The following RNF207 variants were observed in gnomAD, a reference collection of about 807,000 sequenced individuals.
RNF207 encodes ring finger protein 207.
RNF207 carries 72 observed loss-of-function variants against 79.0 expected under a neutral mutation model. The ratio of observed to expected loss-of-function variants is 0.91; its 90% confidence interval spans 0.75 to 1.11. The LOEUF (loss-of-function observed/expected upper bound fraction) is 1.11. RNF207 is among the 50% of genes least tolerant of loss of function. RNF207 has a pLI of 0.00. For missense variants in RNF207, 936 were observed against 855.8 expected, an observed-to-expected ratio of 1.09 and a Z score of -1.17; for synonymous variants, 348 against 366.2, an observed-to-expected ratio of 0.95 and a Z score of 0.57.
In RNF207 at chr1:6,209,912, CATCT is replaced by C. The variant is rs1668087655; in HGVS notation, c.754-11_754-8del. 6.3e-7 allele frequency: 1 copy of C among 1,575,606 alleles called. No homozygotes were observed. ...GGGCGCAAATCAAGAGCATGCTCGC[CATCT>C]CTCCCAGGACAGGCTGGCAGAGAGG... On this transcript the variant is annotated splice_region_variant and splice_polypyrimidine_tract_variant and intron_variant, in intron 7 of 17. Transcript: ENST00000377939.
At chr1:6,219,162 C>G in intron 17 of RNF207, 74 bp from the exon 18 acceptor site, 1 of 1,405,996 alleles carries the variant, frequency 7.1e-7, no homozygotes, top group Non-Finnish European at 9.7e-7. Context: ...AGTGCTTTGG[C>G]CCAAGTGGAT....
At position 6,209,547 on chromosome 1, in the gene RNF207, GTGGGGGT is replaced by G; in HGVS notation, c.753+15_753+21del. The stretch of plus-strand genomic sequence containing the variant: ...CTCTTCGGCAGCATGCAGGTGAGGG[GTGGGGGT>G]TGGGGGATAAACGACCCAGCCGGGA... On this transcript the variant is annotated intron_variant, in intron 7 of 17. Coordinates refer to ENST00000377939, the MANE Select transcript of RNF207 (RefSeq NM_207396.3). The G allele has an allele frequency of 6.9e-7, 1 of 1,453,274 alleles. No individual in the cohort carries two copies. Among genetic ancestry groups the G allele is most frequent in the Non-Finnish European group, 9.0e-7 (1 of 1,112,024 alleles). 90.0% of individuals were successfully genotyped at this position (1,453,274 alleles called of 1,614,324 possible).
chr1:6,210,619 G>T (rs1668123086), intron 10 of RNF207, 181 bp downstream of exon 10: 2 of 630,196 alleles, frequency 3.2e-6, no homozygotes, highest in Non-Finnish European at 5.6e-6. Flanking sequence ...CAAGGACAGT[G>T]AAGCCAGGAA....
Position 6,207,894 on chromosome 1 carries a change from G to A in RNF207, c.324+383G>A, listed in dbSNP as rs1177493081. 4 of 395,762 alleles carry A rather than the reference G, an allele frequency of 1.0e-5. No individual in the cohort carries two copies. The highest frequency in any genetic ancestry group is 6.2e-5 in the African/African-American group (3 of 48,286). 24.5% of individuals were successfully genotyped at this position (395,762 alleles called of 1,614,324 possible). On this transcript the variant is annotated intron_variant, in intron 3 of 17. Transcript: ENST00000377939. This position sits in a 1 kb window ranked among gnomAD's most constrained non-coding sequence, Gnocchi z 4.5. ...GCAGCTACAGCCCAGGGGAGGTGGG[G>A]ACAGCATGCTGTTCCCTCTGGGCTG...
intron 16 of RNF207, 95 bp from the exon 17 acceptor site, chr1:6,218,194 G>A (rs1390078946): frequency 3.8e-6 from 3 of 797,360 alleles, no homozygotes; most frequent in Non-Finnish European, 6.5e-6. Flanking sequence ...GGGTGCATGA[G>A]TGGTGGCAGA....
chr1:6,210,949 G>A lies in RNF207; in HGVS notation c.1011+11G>A. On this transcript the variant is annotated intron_variant, in intron 11 of 17. Coordinates refer to ENST00000377939, the MANE Select transcript of RNF207 (RefSeq NM_207396.3). ...ATTCAGAGCAGCAAGGTGTGCAGTG[G>A]CCTGGGTGGGCCAGGGTCGGGGGCC... The A allele has an allele frequency of 6.2e-7, 1 of 1,602,314 alleles. No homozygotes were observed. Among genetic ancestry groups the A allele is most frequent in the Non-Finnish European group, 8.5e-7 (1 of 1,175,046 alleles).
Position 6,220,734 on chromosome 1 carries a change from C to G in RNF207, c.*1327C>G, listed in dbSNP as rs1557597653. 1 of 152,198 alleles carries G rather than the reference C, an allele frequency of 6.6e-6. No homozygotes were observed. Among genetic ancestry groups the G allele is most frequent in the Non-Finnish European group, 1.5e-5 (1 of 68,028 alleles). 9.4% of individuals were successfully genotyped at this position (152,198 alleles called of 1,614,324 possible). ...CTTTTTTCTAGTAGTTTTTTCCCAG[C>G]AGTTTTCCATTTCTCCACAGTATCC... On this transcript the variant is annotated 3_prime_UTR_variant, in exon 18 of 18. Transcript: ENST00000377939.
At chr1:6,213,281 G>A in intron 16 of RNF207, 98 bp downstream of exon 16, 1 of 725,770 alleles carries the variant, frequency 1.4e-6, no homozygotes, top group Admixed American at 2.5e-5. Flanking sequence ...AACACTTCGG[G>A]AGGCTGAGGT....
At position 6,220,219 on chromosome 1, in the gene RNF207, T is replaced by A. The variant is rs977507290; in HGVS notation, c.*812T>A. ...TTCCCCGTGTTTGCATGGCATGAAG[T>A]CTTCGTCCTTGTCACAGTAGCTTGG... On this transcript the variant is annotated 3_prime_UTR_variant, in exon 18 of 18. Coordinates refer to ENST00000377939, the MANE Select transcript of RNF207 (RefSeq NM_207396.3). 6.6e-6 allele frequency: 1 copy of A among 152,230 alleles called. No individual in the cohort carries two copies. Among genetic ancestry groups the A allele is most frequent in the African/African-American group, 2.4e-5 (1 of 41,452 alleles). 9.4% of individuals were successfully genotyped at this position (152,230 alleles called of 1,614,324 possible).
At position 6,212,285 on chromosome 1, in the gene RNF207, G is replaced by A. The variant is rs757243611; in HGVS notation, c.1351G>A (p.Asp451Asn). 1.9e-6 allele frequency: 3 copies of A among 1,612,868 alleles called. No individual in the cohort carries two copies. The highest frequency in any genetic ancestry group is 3.3e-5 in the Admixed American group (2 of 59,922). Residue 451 changes from aspartate (D) to asparagine (N), a missense_variant, in exon 14 of 18, where the codon GAC (aspartate) becomes AAC (asparagine). By Grantham distance (23) the Asp-to-Asn change is conservative. Transcript: ENST00000377939. ...LKDQVQELHR[D>N]LTKHHSLIKA... ...GGACCAGGTACAGGAGCTGCACCGA[G>A]ACCTCACCAAGCACCACTCGCTCAT...
intron 3 of RNF207, chr1:6,208,160 G>A (rs1229459324): frequency 3.3e-5 from 6 of 183,762 alleles, no homozygotes; most frequent in Non-Finnish European, 7.0e-5. Context: ...CCTGGGTCTG[G>A]CTTGGGGAGG....
chr1:6,210,561 G>T, intron 10 of RNF207, 123 bp downstream of exon 10: 1 of 727,416 alleles, frequency 1.4e-6, no homozygotes, highest in Non-Finnish European at 2.3e-6. Flanking sequence ...TCTCGGGGCT[G>T]ACCCCCTCCC....
At chr1:6,212,845 C>A in intron 15 of RNF207, 112 bp downstream of exon 15, 1 of 950,472 alleles carries the variant, frequency 1.1e-6, no homozygotes, top group Non-Finnish European at 1.7e-6. Flanking sequence ...CCACACTCTT[C>A]CCCTTAGCGC....
rs774765330 is a variant in RNF207, at chr1:6,218,315, CAGAG to C, written c.1682_1685del (p.Glu561ValfsTer49). 3 of 1,614,074 alleles carry C rather than the reference CAGAG, an allele frequency of 1.9e-6. No individual in the cohort carries two copies. The highest frequency in any genetic ancestry group is 1.3e-5 in the African/African-American group (1 of 75,058). On this transcript the variant is annotated frameshift_variant, in exon 17 of 18. Coordinates refer to ENST00000377939, the MANE Select transcript of RNF207 (RefSeq NM_207396.3). LOFTEE classifies it high-confidence loss of function. ...TTTCAGGCACCCGTGGATGAGCAGT[CAGAG>C]AGTCTACAGAACACGCACGACGACA...
rs1186965852 is a variant in RNF207 at position 6,207,120 on chromosome 1, GAGA to G, written c.192-255_192-253del. Among the ~76,000 whole-genome samples, 2 of 152,192 alleles carry G rather than the reference GAGA, an allele frequency of 1.3e-5. No homozygotes were observed. Among genetic ancestry groups the G allele is most frequent in the Non-Finnish European group, 1.5e-5 (1 of 68,036 alleles). ...GTGGCTCTGATTTGCCCAATGCCGT[GAGA>G]AGATGTCGAGGAGCAGCTTCTGCTT... is the stretch of plus-strand genomic sequence containing the variant. On this transcript the variant is annotated intron_variant, in intron 2 of 17. Transcript: ENST00000377939. This position sits in a 1 kb window ranked among gnomAD's most constrained non-coding sequence, Gnocchi z 4.5.
In RNF207 at chr1:6,209,015, C is replaced by T. The variant is rs1020564573; in HGVS notation, c.459C>T (p.Pro153=). 1 of 1,541,366 alleles carries T rather than the reference C, an allele frequency of 6.5e-7. No individual in the cohort carries two copies. Among genetic ancestry groups the T allele is most frequent in the South Asian group, 1.2e-5 (1 of 83,958 alleles). ...VALGQRSRDV[P]QKCTLHAEPY... ...TGGGTCAGCGAAGCCGCGACGTGCC[C>T]CAGAAGTGCAGTGAGTGAGGCTTGC... Residue 153 remains proline, a synonymous_variant, in exon 4 of 18, where the codon CCC becomes CCT. Coordinates refer to ENST00000377939, the MANE Select transcript of RNF207 (RefSeq NM_207396.3).
chr1:6,215,456 C>T lies in RNF207; in HGVS notation c.1652+2273C>T, dbSNP rs913496481. 3.9e-5 allele frequency among the ~76,000 whole-genome samples: 6 copies of T among 152,020 alleles called. No homozygotes were observed. In the South Asian group the frequency reaches 6.2e-4, roughly 16 times the overall value. ...TGCTGGGATTACAGGTGTTAGCCAC[C>T]GTGCCAAGCCTCTTTATCTTCCATT... On this transcript the variant is annotated intron_variant, in intron 16 of 17. Transcript: ENST00000377939.
intron 16 of RNF207, among the ~76,000 whole-genome samples, chr1:6,216,107 T>G (rs12071731): frequency 0.18 from 27,571 of 152,152 alleles, 4,887 homozygotes; most frequent in African/African-American, 0.46. Context: ...TTTCAGTACA[T>G]TTCTTGTCTG....
Position 6,210,456 on chromosome 1 carries a change from C to T in RNF207, c.942+18C>T. ...TGGGCTATGTGAGTCTCCTCTGCTC[C>T]TGCAGATGCCCCCTCCCCACCAGGA... is the stretch of plus-strand genomic sequence containing the variant. On this transcript the variant is annotated intron_variant, in intron 10 of 17. Coordinates refer to ENST00000377939, the MANE Select transcript of RNF207 (RefSeq NM_207396.3). 1 of 1,599,396 alleles carries T rather than the reference C, an allele frequency of 6.3e-7. No individual in the cohort carries two copies. The highest frequency in any genetic ancestry group is 8.6e-7 in the Non-Finnish European group (1 of 1,169,178).
Sources: gnomAD v4.1 joint callset for allele counts (sites outside exome capture counted in the v4.1 genomes callset) on GRCh38, gnomAD v4.1.1 for gene constraint, Gnocchi (gnomAD v3.1) non-coding constraint, MANE v1.5 for transcripts, NCBI Gene and HGNC (gene_info 2026-07-23, HGNC 2026-07-21) for gene names.